The following PRUNE2 variants were observed in gnomAD, a reference collection of about 807,000 sequenced individuals.
PRUNE2 encodes protein prune homolog 2.
A neutral mutation model predicts 252.0 loss-of-function variants in PRUNE2; 164 were observed. That is an observed-to-expected ratio of 0.65 (90% confidence interval 0.57 to 0.74). PRUNE2 has a LOEUF of 0.74. PRUNE2 is among the 30% of genes least tolerant of loss of function. The pLI is 0.00. For synonymous variants in PRUNE2, 1,292 were observed against 1,350.2 expected, an observed-to-expected ratio of 0.96 and a Z score of 0.94; for missense variants, 3,495 against 3,711.0, an observed-to-expected ratio of 0.94 and a Z score of 1.51.
chr9:76,865,880 T>A (rs1269571516), intron 1 of PRUNE2, among the ~76,000 whole-genome samples: 1 of 149,716 alleles, frequency 6.7e-6, no homozygotes, highest in Admixed American at 6.7e-5. Flanking sequence ...TTATGCCCAC[T>A]TCATGATCTA....
chr9:76,850,247 A>T (rs2059886566), intron 3 of PRUNE2, among the ~76,000 whole-genome samples: 1 of 152,120 alleles, frequency 6.6e-6, no homozygotes, highest in African/African-American at 2.4e-5. Context: ...AGGTTTCACC[A>T]TGTTGGTCAG....
chr9:76,710,954 C>T lies in PRUNE2; in HGVS notation c.1320G>A (p.Lys440=), dbSNP rs200043637. The T allele has an allele frequency of 1.7e-4, 271 of 1,595,990 alleles. 1 individual carries two copies. The highest frequency in any genetic ancestry group is 1.8e-4 in the Non-Finnish European group (214 of 1,171,062). Residue 440 remains lysine, a synonymous_variant, in exon 8 of 19, where the codon AAG becomes AAA. Transcript: ENST00000376718. The stretch of plus-strand genomic sequence containing the variant: ...CGTCACTGAGGAAAACAGAGCTCTC[C>T]TTGGATGAGCGGCTGCTCCTAATGG... The part of the protein sequence containing the change: ...LATIRSSRSS[K]ESSVFLSDDS...
At chr9:76,800,575 G>C (rs1370060809) in intron 6 of PRUNE2, among the ~76,000 whole-genome samples, 4 of 152,150 alleles carry the variant, frequency 2.6e-5, no homozygotes, top group Non-Finnish European at 5.9e-5. Context: ...TCAGCCCAAA[G>C]TGCTGTTTGG....
chr9:76,651,491 T>TA (rs1266081765), intron 11 of PRUNE2, among the ~76,000 whole-genome samples: 1 of 152,194 alleles, frequency 6.6e-6, no homozygotes, highest in African/African-American at 2.4e-5. Flanking sequence ...GCGTGAATTT[T>TA]AAAAATGAAT....
At chr9:76,830,530 C>T (rs1025132212) in intron 4 of PRUNE2, among the ~76,000 whole-genome samples, 3 of 151,698 alleles carry the variant, frequency 2.0e-5, no homozygotes, top group Non-Finnish European at 2.9e-5. Context: ...TGGGTGCCTG[C>T]AATCCCAGCT....
rs1420634672 is a variant in PRUNE2, at chr9:76,703,592, A to C, written c.8021T>G (p.Leu2674Arg). 17 of 1,613,544 alleles carry C rather than the reference A, an allele frequency of 1.1e-5. No homozygotes were observed. The highest frequency in any genetic ancestry group is 1.4e-5 in the Non-Finnish European group (17 of 1,179,884). Reference sequence around the variant, plus strand: ...AGGCTTCATTTCTTCCAGAATCTGCAGCTGGGGACCCTCACCCAAGCCGAG... The same window carrying C: ...AGGCTTCATTTCTTCCAGAATCTGCCGCTGGGGACCCTCACCCAAGCCGAG... Reference protein sequence around the residue: ...SELGLGEGPQLQILEEMKPLE... With the variant: ...SELGLGEGPQRQILEEMKPLE... The change falls in exon 9 of 19, where the codon CTG (leucine) becomes CGG (arginine). Residue 2674 changes from leucine (L) to arginine (R), a missense_variant. Physicochemically the swap from Leu to Arg is moderately radical, Grantham distance 102. Transcript: ENST00000376718.
chr9:76,805,590 G>A (rs147070626), intron 6 of PRUNE2, among the ~76,000 whole-genome samples: 17 of 152,252 alleles, frequency 1.1e-4, no homozygotes, highest in African/African-American at 3.6e-4. Context: ...GAAAGACTCC[G>A]TCTCAAAACA....
At chr9:76,633,994 C>T (rs916990012) in intron 15 of PRUNE2, among the ~76,000 whole-genome samples, 1 of 152,102 alleles carries the variant, frequency 6.6e-6, no homozygotes, top group Admixed American at 6.5e-5. Context: ...CACCTATAGT[C>T]CCAGCTACTC....
At chr9:76,722,868 C>A (rs1242463120) in intron 6 of PRUNE2, among the ~76,000 whole-genome samples, 5 of 152,132 alleles carry the variant, frequency 3.3e-5, no homozygotes, top group Admixed American at 6.5e-5. Context: ...CCTGTTTTAT[C>A]CTTAAATGAG....
chr9:76,662,116 C>T (rs1290125221), intron 9 of PRUNE2, among the ~76,000 whole-genome samples: 1 of 152,128 alleles, frequency 6.6e-6, no homozygotes, highest in Non-Finnish European at 1.5e-5. Context: ...AAATAAATAG[C>T]CTTAAGTTCA....
At chr9:76,876,585 C>T (rs2133192290) in intron 1 of PRUNE2, among the ~76,000 whole-genome samples, 1 of 152,266 alleles carries the variant, frequency 6.6e-6, no homozygotes, top group Non-Finnish European at 1.5e-5. Flanking sequence ...ATACCTATTA[C>T]ACTTGGTGGC....
intron 9 of PRUNE2, among the ~76,000 whole-genome samples, chr9:76,691,807 C>G (rs1230963041): frequency 6.6e-6 from 1 of 152,132 alleles, no homozygotes; most frequent in Non-Finnish European, 1.5e-5. Flanking sequence ...TGTGCAAAGT[C>G]TGTTTCCTGA....
intron 1 of PRUNE2, among the ~76,000 whole-genome samples, chr9:76,887,292 A>G (rs115814214): frequency 0.011 from 1,608 of 152,006 alleles, 30 homozygotes; most frequent in African/African-American, 0.036. Flanking sequence ...GCTACTGGAG[A>G]TTTTCATTAA....
At chr9:76,902,630 A>G (rs1212437640) in intron 1 of PRUNE2, among the ~76,000 whole-genome samples, 1 of 152,192 alleles carries the variant, frequency 6.6e-6, no homozygotes, top group African/African-American at 2.4e-5. Flanking sequence ...CATATGTGTC[A>G]TTCCTTGTTT....
intron 2 of PRUNE2, among the ~76,000 whole-genome samples, chr9:76,852,969 C>T (rs895882911): frequency 6.6e-6 from 1 of 152,130 alleles, no homozygotes. Flanking sequence ...CACTATCACT[C>T]TAAACATCAG....
chr9:76,639,290 G>A (rs1005936214), intron 12 of PRUNE2, among the ~76,000 whole-genome samples: 3 of 152,088 alleles, frequency 2.0e-5, no homozygotes, highest in African/African-American at 4.8e-5. Context: ...CCAGGAGTTC[G>A]AGACCACCCG....
At chr9:76,873,095 C>A (rs1564480924) in intron 1 of PRUNE2, among the ~76,000 whole-genome samples, 1 of 151,902 alleles carries the variant, frequency 6.6e-6, no homozygotes, top group Non-Finnish European at 1.5e-5. Context: ...GGGAGAGAGG[C>A]CTGGAACAGA....
At chr9:76,797,927 G>A (rs918846015) in intron 6 of PRUNE2, among the ~76,000 whole-genome samples, 5 of 152,164 alleles carry the variant, frequency 3.3e-5, no homozygotes, top group South Asian at 2.1e-4. Flanking sequence ...CTTTAGCTGC[G>A]CTTTTTGTTG....
chr9:76,872,676 G>A (rs1293099501), intron 1 of PRUNE2, among the ~76,000 whole-genome samples: 1 of 151,182 alleles, frequency 6.6e-6, no homozygotes, highest in Non-Finnish European at 1.5e-5. Flanking sequence ...ATTGGTCAGA[G>A]ATATATACTG....
Sources: allele counts gnomAD v4.1 joint callset (sites outside exome capture counted in the v4.1 genomes callset), GRCh38; gene constraint gnomAD v4.1.1; transcripts MANE v1.5; gene names NCBI Gene and HGNC (gene_info 2026-07-23, HGNC 2026-07-21).